TTC17: variants seen among roughly 807,000 people sequenced by gnomAD.
The protein encoded by TTC17 is tetratricopeptide repeat protein 17.
TTC17 carries 58 observed loss-of-function variants against 143.8 expected under a neutral mutation model. That is an observed-to-expected ratio of 0.40 (90% CI 0.33 to 0.50). TTC17 has a LOEUF of 0.50. Ranked by LOEUF, TTC17 falls within the 20% of genes least tolerant of loss-of-function variation. The pLI, the probability that TTC17 is intolerant of heterozygous loss-of-function variation, is 0.49. For synonymous variants in TTC17, 501 were observed against 497.8 expected (o/e 1.01, Z -0.09); for missense variants, 1,273 against 1,392.5 (o/e 0.91, Z 1.37).
chr11:43,375,827 A>C (rs12293385), intron 1 of TTC17, among the ~76,000 whole-genome samples: 8,993 of 152,286 alleles, frequency 0.059, 293 homozygotes, highest in African/African-American at 0.095. Flanking sequence ...GGTTAAGTTT[A>C]AAATGTTCAC....
chr11:43,379,554 A>G (rs1202381296), intron 2 of TTC17, among the ~76,000 whole-genome samples: 1 of 152,146 alleles, frequency 6.6e-6, no homozygotes. Flanking sequence ...GCCTGGGTAT[A>G]TGCGTGATTC....
chr11:43,387,687 AT>A (rs1251664241), intron 2 of TTC17, among the ~76,000 whole-genome samples: 1 of 152,002 alleles, frequency 6.6e-6, no homozygotes, highest in African/African-American at 2.4e-5. Flanking sequence ...AAGAAAGAAC[AT>A]GGTGAAGCAC....
chr11:43,360,455 A>T (rs1216719997), intron 1 of TTC17, among the ~76,000 whole-genome samples: 3 of 152,126 alleles, frequency 2.0e-5, no homozygotes, highest in African/African-American at 4.8e-5. Context: ...TTGTTTCTTG[A>T]TAGTGGTTTT....
intron 19 of TTC17, chr11:43,449,718 C>G (rs908176307): frequency 3.0e-5 from 5 of 166,328 alleles, no homozygotes; most frequent in African/African-American, 1.2e-4. Flanking sequence ...TAATAGTAAG[C>G]TTGTATATGG....
chr11:43,379,361 T>C, intron 2 of TTC17, 39 bp downstream of exon 2: 1 of 1,536,180 alleles, frequency 6.5e-7, no homozygotes, highest in Non-Finnish European at 8.9e-7. Flanking sequence ...CTGATGCTTG[T>C]TGCATTTCAC....
At chr11:43,468,337 A>G (rs1948021167) in intron 21 of TTC17, 11 of 152,256 alleles carry the variant, frequency 7.2e-5, no homozygotes, top group Admixed American at 7.2e-4. Flanking sequence ...AGAGAGGCCA[A>G]GAATAAACCT....
chr11:43,483,843 T>C (rs924202967), intron 21 of TTC17, among the ~76,000 whole-genome samples: 2 of 152,124 alleles, frequency 1.3e-5, no homozygotes, highest in African/African-American at 4.8e-5. Context: ...GTATAGTAAA[T>C]CAATAAAAAG....
At chr11:43,457,011 T>G (rs985416388) in intron 21 of TTC17, among the ~76,000 whole-genome samples, 1 of 152,020 alleles carries the variant, frequency 6.6e-6, no homozygotes, top group African/African-American at 2.4e-5. Context: ...ACTTTCATCT[T>G]AATACTACTT....
intron 16 of TTC17, among the ~76,000 whole-genome samples, chr11:43,442,537 G>T (rs144866113): frequency 2.6e-5 from 4 of 152,308 alleles, no homozygotes; most frequent in African/African-American, 9.6e-5. Flanking sequence ...AAGTAGTGAA[G>T]AATTTTTTAA....
At chr11:43,431,718 A>G (rs987412887) in intron 16 of TTC17, among the ~76,000 whole-genome samples, 15 of 152,348 alleles carry the variant, frequency 9.8e-5, no homozygotes, top group African/African-American at 3.6e-4. Flanking sequence ...ATTAAGCTCA[A>G]TTTGCAGCCA....
intron 1 of TTC17, among the ~76,000 whole-genome samples, chr11:43,363,131 AAGG>A (rs1247598611): frequency 6.6e-6 from 1 of 152,196 alleles, no homozygotes; most frequent in Non-Finnish European, 1.5e-5. Flanking sequence ...TAGTTACTAA[AAGG>A]AGCACTAGCG....
chr11:43,454,831 G>A (rs1947732236), intron 21 of TTC17, among the ~76,000 whole-genome samples: 2 of 151,746 alleles, frequency 1.3e-5, no homozygotes, highest in African/African-American at 4.8e-5. Flanking sequence ...AGAGACTCAG[G>A]GAGATTCAGA....
intron 1 of TTC17, among the ~76,000 whole-genome samples, chr11:43,370,933 C>CT (rs2134452386): frequency 6.7e-6 from 1 of 150,000 alleles, no homozygotes; most frequent in East Asian, 2.0e-4. Context: ...TCTCAAGTAG[C>CT]TAAAACAGGC....
At chr11:43,387,452 C>T (rs918916351) in intron 2 of TTC17, among the ~76,000 whole-genome samples, 4 of 151,742 alleles carry the variant, frequency 2.6e-5, no homozygotes, top group Non-Finnish European at 2.9e-5. Context: ...GATAGCATAT[C>T]TCCATGAAAA....
intron 16 of TTC17, among the ~76,000 whole-genome samples, chr11:43,439,507 G>A (rs1455436931): frequency 6.2e-5 from 9 of 145,850 alleles, no homozygotes; most frequent in African/African-American, 7.6e-5. Context: ...TTGCTGTGTC[G>A]CCCAGGCTGG....
chr11:43,370,319 C>A, intron 1 of TTC17: 1 of 225,984 alleles, frequency 4.4e-6, no homozygotes, highest in Non-Finnish European at 9.1e-6. Context: ...ACAGAAGGGT[C>A]TCTTAGACAA....
chr11:43,462,629 A>G (rs932720409), intron 21 of TTC17, among the ~76,000 whole-genome samples: 1 of 152,220 alleles, frequency 6.6e-6, no homozygotes, highest in Admixed American at 6.5e-5. Context: ...TATTGTTTTA[A>G]ACCACCAAGT....
rs1360720002 is a variant in TTC17, at chr11:43,493,465, G to A, written c.3295-308G>A. On this transcript the variant is annotated intron_variant, in intron 23 of 23. Transcript: ENST00000039989. Reference sequence around the variant, plus strand: ...CACTTCAGGCACTCAGGAATGTTAGGTCTCATTATTACCACAATTATTACT... The same window carrying A: ...CACTTCAGGCACTCAGGAATGTTAGATCTCATTATTACCACAATTATTACT... 5.9e-5 allele frequency among the ~76,000 whole-genome samples: 9 copies of A among 152,274 alleles called. No individual in the cohort carries two copies. In the East Asian group the frequency reaches 1.4e-3, roughly 23 times the overall value.
intron 10 of TTC17, among the ~76,000 whole-genome samples, chr11:43,403,670 G>T (rs141861726): frequency 7.1e-6 from 1 of 141,030 alleles, no homozygotes; most frequent in Non-Finnish European, 1.6e-5. Flanking sequence ...GGAAGAAAAG[G>T]GGAATAATGA....
Sources: gnomAD v4.1 joint callset for allele counts (sites outside exome capture counted in the v4.1 genomes callset) on GRCh38, gnomAD v4.1.1 for gene constraint, MANE v1.5 for transcripts, NCBI Gene and HGNC (gene_info 2026-07-23, HGNC 2026-07-21) for gene names.